Variants in DHRS7B observed in about 807,000 individuals in gnomAD.
DHRS7B encodes the protein peroxisomal reductase activating PPAR-gamma.
DHRS7B carries 24 observed loss-of-function variants against 26.4 expected under a neutral mutation model. That is an observed-to-expected ratio of 0.91 (90% confidence interval 0.66 to 1.28). The LOEUF (loss-of-function observed/expected upper bound fraction) is 1.28. Ranked by LOEUF, DHRS7B falls within the 50% of genes most tolerant of loss-of-function variation. The pLI is 0.00. For synonymous variants in DHRS7B, 142 were observed against 166.4 expected (o/e 0.85, Z 1.13); for missense variants, 368 against 419.4 (o/e 0.88, Z 1.07).
chr17:21,187,536 G>T (rs1349027746), intron 5 of DHRS7B, among the ~76,000 whole-genome samples: 2 of 149,736 alleles, frequency 1.3e-5, no homozygotes, highest in Non-Finnish European at 3.0e-5. Context: ...TGAGGGAGAA[G>T]AACGGTGTGA....
Position 21,178,296 on chromosome 17 carries a change from C to T in DHRS7B, c.263C>T (p.Ala88Val), listed in dbSNP as rs779665675. ...GTGCTCTGTGGCCGGAATGGTGGGG[C>T]CCTAGAAGAGCTCATCAGAGAACTC... The part of the protein sequence containing the change: ...KLVLCGRNGG[A>V]LEELIRELTA... Residue 88 changes from alanine (A) to valine (V), a missense_variant, in exon 3 of 7, where the codon GCC becomes GTC. Ala to Val is a moderately conservative substitution (Grantham distance 64, BLOSUM62 0). Coordinates refer to ENST00000395511, the MANE Select transcript of DHRS7B (RefSeq NM_015510.5). 5 of 1,608,780 alleles carry T rather than the reference C, an allele frequency of 3.1e-6. No individual in the cohort carries two copies. Among genetic ancestry groups the T allele is most frequent in the South Asian group, 2.2e-5 (2 of 91,084 alleles).
rs546649494 is a variant in DHRS7B at position 21,173,558 on chromosome 17, G to A, written c.199+1362G>A. ...GTGTTGCATGAACACAGAGAGGCAG[G>A]TGGGTCTTTGTGGTGGAAGTGGCTT... On this transcript the variant is annotated intron_variant, in intron 2 of 6. Transcript: ENST00000395511. 4.6e-5 allele frequency among the ~76,000 whole-genome samples: 7 copies of A among 152,344 alleles called. No homozygotes were observed. In the South Asian group the frequency reaches 1.5e-3, roughly 32 times the overall value.
At chr17:21,166,820 T>G (rs750399741) in intron 1 of DHRS7B, among the ~76,000 whole-genome samples, 16 of 152,300 alleles carry the variant, frequency 1.1e-4, no homozygotes, top group South Asian at 8.3e-4. Context: ...TTAGCCTGAT[T>G]TTCTTGTGTG....
intron 1 of DHRS7B, among the ~76,000 whole-genome samples, chr17:21,155,198 T>G (rs1183408573): frequency 6.6e-6 from 1 of 152,182 alleles, no homozygotes; most frequent in African/African-American, 2.4e-5. Flanking sequence ...AGGCAGAGAT[T>G]GTGAGAGTTT....
intron 1 of DHRS7B, among the ~76,000 whole-genome samples, chr17:21,134,832 C>T (rs1973307689): frequency 6.6e-6 from 1 of 152,110 alleles, no homozygotes; most frequent in Non-Finnish European, 1.5e-5. Context: ...TTTTGAGACT[C>T]TGAAAAACAA....
At chr17:21,170,268 G>A (rs913651336) in intron 1 of DHRS7B, among the ~76,000 whole-genome samples, 23 of 152,194 alleles carry the variant, frequency 1.5e-4, no homozygotes, top group Non-Finnish European at 2.2e-4. Flanking sequence ...ACAGAACCCT[G>A]GAGTGGCACA....
At chr17:21,140,340 C>T (rs1438790871) in intron 1 of DHRS7B, among the ~76,000 whole-genome samples, 1 of 151,946 alleles carries the variant, frequency 6.6e-6, no homozygotes, top group African/African-American at 2.4e-5. Context: ...GTTTTACAAC[C>T]CTGGGCAGCT....
chr17:21,177,547 C>A (rs945859686), intron 2 of DHRS7B, among the ~76,000 whole-genome samples: 3 of 152,208 alleles, frequency 2.0e-5, no homozygotes, highest in Non-Finnish European at 4.4e-5. Context: ...TCCCGCCCAG[C>A]AGGACTGAGC....
At chr17:21,133,877 C>A (rs1973289297) in intron 1 of DHRS7B, among the ~76,000 whole-genome samples, 1 of 152,098 alleles carries the variant, frequency 6.6e-6, no homozygotes. Context: ...CTCTGAAGTC[C>A]ACACATTAGT....
At chr17:21,141,035 C>T (rs1973495747) in intron 1 of DHRS7B, among the ~76,000 whole-genome samples, 1 of 152,090 alleles carries the variant, frequency 6.6e-6, no homozygotes, top group Non-Finnish European at 1.5e-5. Context: ...CTCAGTTTCT[C>T]TCTCCAGAGG....
At chr17:21,173,201 A>G (rs1974300015) in intron 2 of DHRS7B, among the ~76,000 whole-genome samples, 1 of 152,250 alleles carries the variant, frequency 6.6e-6, no homozygotes, top group Non-Finnish European at 1.5e-5. Context: ...GACTTATCTC[A>G]ATATATTGCC....
intron 4 of DHRS7B, 40 bp from the exon 5 acceptor site, chr17:21,184,331 G>C (rs1325397104): frequency 6.4e-6 from 10 of 1,567,468 alleles, no homozygotes; most frequent in African/African-American, 1.4e-5. Flanking sequence ...GCAATGACTG[G>C]AAGTAGGGCG....
chr17:21,129,821 G>A (rs1465021882), intron 1 of DHRS7B, among the ~76,000 whole-genome samples: 3 of 151,432 alleles, frequency 2.0e-5, no homozygotes, highest in Non-Finnish European at 4.4e-5. Flanking sequence ...CCACTTATTT[G>A]TATGCAGCTG....
intron 1 of DHRS7B, among the ~76,000 whole-genome samples, chr17:21,163,727 T>C (rs1851738849): frequency 6.6e-6 from 1 of 152,154 alleles, no homozygotes; most frequent in Admixed American, 6.6e-5. Flanking sequence ...TTCACTGATA[T>C]CCAAGCTCCA....
At chr17:21,130,638 A>T (rs1379205182) in intron 1 of DHRS7B, among the ~76,000 whole-genome samples, 1 of 151,892 alleles carries the variant, frequency 6.6e-6, no homozygotes, top group African/African-American at 2.4e-5. Context: ...AGGAGAGAAG[A>T]TCTCTTTCCC....
chr17:21,138,208 CTTCTTTTT>C (rs1164281437), intron 1 of DHRS7B, among the ~76,000 whole-genome samples: 22 of 104,942 alleles, frequency 2.1e-4, no homozygotes, highest in Non-Finnish European at 3.2e-4. Context: ...TCCATCCCTC[CTTCTTTTT>C]TTTTTTTTTT....
intron 1 of DHRS7B, among the ~76,000 whole-genome samples, chr17:21,134,526 G>A (rs752862515): frequency 4.6e-5 from 7 of 152,106 alleles, no homozygotes; most frequent in Non-Finnish European, 7.4e-5. Context: ...CACAAAATAT[G>A]AGGCCAGATT....
intron 1 of DHRS7B, among the ~76,000 whole-genome samples, chr17:21,139,413 C>T (rs750260928): frequency 2.6e-5 from 4 of 152,184 alleles, no homozygotes; most frequent in Non-Finnish European, 4.4e-5. Context: ...TGGTGGCTCA[C>T]GCCTGTAATC....
chr17:21,174,205 G>T (rs1974322656), intron 2 of DHRS7B, among the ~76,000 whole-genome samples: 1 of 152,238 alleles, frequency 6.6e-6, no homozygotes, highest in Admixed American at 6.5e-5. Flanking sequence ...GTCCTCAGTG[G>T]CTCTGCCTGC....
Sources: gnomAD v4.1 joint callset for allele counts (sites outside exome capture counted in the v4.1 genomes callset) on GRCh38, gnomAD v4.1.1 for gene constraint, MANE v1.5 for transcripts, NCBI Gene and HGNC (gene_info 2026-07-23, HGNC 2026-07-21) for gene names.